NLRX1: variants seen among roughly 807,000 people sequenced by gnomAD.
The protein encoded by NLRX1 is NOD-like receptor X1.
Under a neutral mutation model 74.2 loss-of-function variants are expected in NLRX1, and 67 were observed. The ratio of observed to expected loss-of-function variants is 0.90; its 90% CI spans 0.74 to 1.11. The LOEUF (loss-of-function observed/expected upper bound fraction) is 1.11, where lower values mean the gene tolerates loss of function less well. Among genes scored for constraint, NLRX1 ranks in the 50% least tolerant of loss-of-function variants. NLRX1 has a pLI of 0.00. For synonymous variants in NLRX1, 506 were observed against 559.1 expected, an observed-to-expected ratio of 0.91 and a Z score of 1.34; for missense variants, 1,191 against 1,305.4, an observed-to-expected ratio of 0.91 and a Z score of 1.35.
At chr11:119,172,547 G>A in intron 3 of NLRX1, 122 bp downstream of exon 3, 1 of 755,668 alleles carries the variant, frequency 1.3e-6, no homozygotes, top group Non-Finnish European at 2.3e-6. Flanking sequence ...GTCCTTTGGG[G>A]GTGGGAGGAC....
chr11:119,174,271 A>T (rs1302255996), intron 5 of NLRX1, among the ~76,000 whole-genome samples, 173 bp downstream of exon 5: 1 of 152,234 alleles, frequency 6.6e-6, no homozygotes, highest in Non-Finnish European at 1.5e-5. Flanking sequence ...CAAATGGGGT[A>T]CTGCATATAA....
Position 119,175,201 on chromosome 11 carries a change from T to A in NLRX1, c.1598T>A (p.Val533Asp), listed in dbSNP as rs745751603. 4 of 1,614,160 alleles carry A rather than the reference T, an allele frequency of 2.5e-6. No individual in the cohort carries two copies. Residue 533 changes from valine to aspartate, a missense_variant, in exon 6 of 10, where the codon GTC (valine) becomes GAC (aspartate). Coordinates refer to ENST00000409109, the MANE Select transcript of NLRX1 (RefSeq NM_001282144.2). The stretch of plus-strand genomic sequence containing the variant: ...CTCGTGGGCCGTGTTGGGGAGGACG[T>A]CAGCCTGGTACTGGGCATCATGGCC... ...AELVGRVGEDVSLVLGIMAKL... is the reference protein window; with the variant it reads ...AELVGRVGEDDSLVLGIMAKL...
At position 119,183,361 on chromosome 11, in the gene NLRX1, T is replaced by C. The variant is rs140351775; in HGVS notation, c.2850T>C (p.Pro950=). The C allele has an allele frequency of 5.0e-6, 8 of 1,614,198 alleles. No homozygotes were observed. The highest frequency in any genetic ancestry group is 6.8e-6 in the Non-Finnish European group (8 of 1,180,028). ...LEDSRGATLN[P]WRKAQLLRVE... The stretch of plus-strand genomic sequence containing the variant: ...ATAGCCGGGGTGCCACCCTTAATCC[T>C]TGGCGCAAGGCCCAGCTGCTGCGAG... Residue 950 remains proline (P), a synonymous_variant, in exon 10 of 10, where the codon CCT becomes CCC. Coordinates refer to ENST00000409109, the MANE Select transcript of NLRX1 (RefSeq NM_001282144.2). This position sits in a 1 kb window ranked among gnomAD's most constrained non-coding sequence, Gnocchi z 5.7.
rs780780099 is a variant in NLRX1, at chr11:119,183,821, G to A, written c.*382G>A. On this transcript the variant is annotated 3_prime_UTR_variant, in exon 10 of 10. Transcript: ENST00000409109. This position sits in a 1 kb window ranked among gnomAD's most constrained non-coding sequence, Gnocchi z 5.7. Reference sequence around the variant, plus strand: ...TCACATCTTATGTCTGCCATGCCAGGGGTGTCGCCATCCAGATGTGTTGGA... The same window carrying A: ...TCACATCTTATGTCTGCCATGCCAGAGGTGTCGCCATCCAGATGTGTTGGA... The A allele has an allele frequency of 2.8e-5, 22 of 780,674 alleles. No individual in the cohort carries two copies. Among genetic ancestry groups the A allele is most frequent in the South Asian group, 2.8e-4 (21 of 74,618 alleles). The allele number at this position is 780,674 out of a possible 1,614,324, so 48.4% of individuals were successfully genotyped here. A position where few individuals can be genotyped will look rare whatever the true frequency, so the allele number is the denominator to read the frequency against.
intron 9 of NLRX1, 42 bp downstream of exon 9, chr11:119,182,387 C>A: frequency 6.3e-7 from 1 of 1,587,330 alleles, no homozygotes; most frequent in Non-Finnish European, 8.6e-7. Context: ...GCCCTTCAGA[C>A]TACTTCCCTC....
Position 119,175,004 on chromosome 11 carries a change from C to T in NLRX1, c.1401C>T (p.His467=), listed in dbSNP as rs1948665819. The change falls in exon 6 of 10, where the codon CAC becomes CAT. Residue 467 remains histidine (H), a synonymous_variant. Coordinates refer to ENST00000409109, the MANE Select transcript of NLRX1 (RefSeq NM_001282144.2). ...CGGAGGAGGAGTTTCAGCTGCTGCACATCTTCCGTCGGGATGCCCTGAGGT... is the reference window on the plus strand; with the variant it reads ...CGGAGGAGGAGTTTCAGCTGCTGCATATCTTCCGTCGGGATGCCCTGAGGT... The part of the protein sequence containing the change: ...IRTEEEFQLL[H]IFRRDALRFF... 1.9e-6 allele frequency: 3 copies of T among 1,614,012 alleles called. No individual in the cohort carries two copies. Among genetic ancestry groups the T allele is most frequent in the African/African-American group, 1.3e-5 (1 of 74,952 alleles).
chr11:119,174,911 G>T lies in NLRX1; in HGVS notation c.1308G>T (p.Gly436=), dbSNP rs527630086. ...CCATGGGCAAGTTGGCCTATGAGGG[G>T]GTGTCCTCCCGCAAGACCTACTTCT... ...ARTMGKLAYE[G]VSSRKTYFSE... is the part of the protein sequence containing the mutation. Residue 436 remains glycine (G), a synonymous_variant, in exon 6 of 10, where the codon GGG becomes GGT. Transcript: ENST00000409109. 423 of 1,614,042 alleles carry T rather than the reference G, an allele frequency of 2.6e-4. 4 individuals carry two copies. In the South Asian group the frequency reaches 4.3e-3, roughly 16 times the overall value.
chr11:119,173,368 C>G lies in NLRX1; in HGVS notation c.230-111C>G, dbSNP rs199476038. 2.1e-4 allele frequency: 256 copies of G among 1,194,882 alleles called. No homozygotes were observed. The highest frequency in any genetic ancestry group is 2.6e-4 in the Non-Finnish European group (217 of 850,298). The allele number at this position is 1,194,882 out of a possible 1,614,324, so 74.0% of individuals were successfully genotyped here. The stretch of plus-strand genomic sequence containing the variant: ...TCTTGTGTGCCCACCATTGTGGGCC[C>G]CAGCATCTATGCCGTGATGTCCCAG... On this transcript the variant is annotated intron_variant, in intron 4 of 9. Transcript: ENST00000409109. The surrounding 1 kb of genome is among the most constrained non-coding windows in gnomAD (Gnocchi z 4.0).
At chr11:119,180,472 A>T (rs1028627620) in intron 7 of NLRX1, among the ~76,000 whole-genome samples, 184 bp downstream of exon 7, 4 of 152,204 alleles carry the variant, frequency 2.6e-5, no homozygotes, top group African/African-American at 9.7e-5. Flanking sequence ...TGGGAGCCCA[A>T]GGCGGGCGTA....
rs1303728263 is a variant in NLRX1 at position 119,182,234 on chromosome 11, A to T, written c.2495A>T (p.Asp832Val). 1.1e-5 allele frequency: 17 copies of T among 1,613,768 alleles called. No homozygotes were observed. Among genetic ancestry groups the T allele is most frequent in the Non-Finnish European group, 1.4e-5 (16 of 1,180,036 alleles). Residue 832 changes from aspartate (D) to valine (V), a missense_variant, in exon 9 of 10, where the codon GAC (aspartate) becomes GTC (valine). Physicochemically the swap from Asp to Val is radical, Grantham distance 152. Transcript: ENST00000409109. ...EGLELLAAQL[D>V]RNRQLQELNV... ...CTGGAGCTGCTGGCTGCCCAGCTGG[A>T]CCGCAACCGGCAGCTGCAGGAGCTG...
At position 119,173,298 on chromosome 11, in the gene NLRX1, A is replaced by G. The variant is rs553940539; in HGVS notation, c.230-181A>G. 488 of 746,576 alleles carry G rather than the reference A, an allele frequency of 6.5e-4. 2 individuals carry two copies. The highest frequency in any genetic ancestry group is 9.4e-4 in the Non-Finnish European group (427 of 454,436). The allele number at this position is 746,576 out of a possible 1,614,324, so 46.2% of individuals were successfully genotyped here. ...GTCCAGTGGCTTCCCACTTTCTGAC[A>G]TAGGGGTTCCAGACTTTCTGGACAG... is the stretch of plus-strand genomic sequence containing the variant. On this transcript the variant is annotated intron_variant, in intron 4 of 9. Coordinates refer to ENST00000409109, the MANE Select transcript of NLRX1 (RefSeq NM_001282144.2). The surrounding 1 kb of genome is among the most constrained non-coding windows in gnomAD (Gnocchi z 4.0).
rs1175517282 is a variant in NLRX1 at position 119,174,860 on chromosome 11, G to C, written c.1257G>C (p.Leu419Phe). Residue 419 changes from leucine (L) to phenylalanine (F), a missense_variant, in exon 6 of 10, where the codon TTG becomes TTC. Transcript: ENST00000409109. ...ETLDSTDPSN[L>F]SLMAYAARTM... ...TGGACAGCACTGACCCCTCCAATTTGTCCCTGATGGCCTATGCAGCCCGAA... is the reference window on the plus strand; with the variant it reads ...TGGACAGCACTGACCCCTCCAATTTCTCCCTGATGGCCTATGCAGCCCGAA... 1 of 1,614,064 alleles carries C rather than the reference G, an allele frequency of 6.2e-7. No homozygotes were observed. Among genetic ancestry groups the C allele is most frequent in the Middle Eastern group, 1.6e-4 (1 of 6,062 alleles).
intron 6 of NLRX1, among the ~76,000 whole-genome samples, chr11:119,176,866 A>G (rs1948715337): frequency 6.6e-6 from 1 of 152,136 alleles, no homozygotes; most frequent in African/African-American, 2.4e-5. Context: ...CATAAGGGCT[A>G]AGAACAGGGA....
chr11:119,182,008 C>A (rs997444161), intron 8 of NLRX1, 86 bp from the exon 9 acceptor site: 4 of 1,512,166 alleles, frequency 2.6e-6, no homozygotes, highest in African/African-American at 2.7e-5. Flanking sequence ...CAGGGCTGCC[C>A]CATTAAGGCT....
Position 119,171,491 on chromosome 11 carries a change from G to A in NLRX1, c.70+18G>A, listed in dbSNP as rs748877044. Reference sequence around the variant, plus strand: ...GCGACCAGGTGAGCAGGAAGCAGGGGTTTCTGTTTTTACCTCTTTCTTGCT... The same window carrying A: ...GCGACCAGGTGAGCAGGAAGCAGGGATTTCTGTTTTTACCTCTTTCTTGCT... On this transcript the variant is annotated intron_variant, in intron 2 of 9. Transcript: ENST00000409109. The A allele has an allele frequency of 6.3e-7, 1 of 1,591,322 alleles. No individual in the cohort carries two copies. Among genetic ancestry groups the A allele is most frequent in the Non-Finnish European group, 8.6e-7 (1 of 1,159,512 alleles).
At chr11:119,172,508 A>G (rs1405926431) in intron 3 of NLRX1, 83 bp downstream of exon 3, 2 of 1,073,918 alleles carry the variant, frequency 1.9e-6, no homozygotes, top group African/African-American at 3.1e-5. Flanking sequence ...GGCTAGCTTG[A>G]TCTCTTGGGG....
chr11:119,170,793 G>T (rs1230680921), intron 1 of NLRX1, among the ~76,000 whole-genome samples: 1 of 152,204 alleles, frequency 6.6e-6, no homozygotes, highest in African/African-American at 2.4e-5. Flanking sequence ...AAATAAAGCA[G>T]TTTACCAGGG....
rs1565826774 is a variant in NLRX1 at position 119,173,846 on chromosome 11, T to TGAGG, written c.598_601dup (p.Asp201GlyfsTer61). On this transcript the variant is annotated frameshift_variant, in exon 5 of 10. Transcript: ENST00000409109. LOFTEE classifies it high-confidence loss of function. The surrounding 1 kb of genome is among the most constrained non-coding windows in gnomAD (Gnocchi z 4.0). Reference sequence around the variant, plus strand: ...TCGAGCTGCTCATCCCCTTCTCCTGTGAGGACCTGTCATCCCTGGGCCCTG... The same window carrying TGAGG: ...TCGAGCTGCTCATCCCCTTCTCCTGTGAGGGAGGACCTGTCATCCCTGGGCCCTG... 6.2e-7 allele frequency: 1 copy of TGAGG among 1,613,594 alleles called. No homozygotes were observed.
In NLRX1 at chr11:119,179,737, G is replaced by A. The variant is rs1320881560; in HGVS notation, c.1716G>A (p.Glu572=). 6.2e-7 allele frequency: 1 copy of A among 1,611,626 alleles called. No homozygotes were observed. The highest frequency in any genetic ancestry group is 8.5e-7 in the Non-Finnish European group (1 of 1,178,262). Residue 572 remains glutamate, a synonymous_variant, in exon 7 of 10, where the codon GAG becomes GAA. Coordinates refer to ENST00000409109, the MANE Select transcript of NLRX1 (RefSeq NM_001282144.2). The part of the protein sequence containing the change: ...VFGRMVGKSR[E]AVAQAMVLEM... ...GGCGCATGGTGGGTAAAAGCCGGGA[G>A]GCGGTGGCTCAGGCCATGGTGCTGG...
Sources: gnomAD v4.1 joint callset for allele counts (sites outside exome capture counted in the v4.1 genomes callset) on GRCh38, gnomAD v4.1.1 for gene constraint, Gnocchi (gnomAD v3.1) non-coding constraint, MANE v1.5 for transcripts, NCBI Gene and HGNC (gene_info 2026-07-23, HGNC 2026-07-21) for gene names.